PCDHGA9: variants seen among roughly 807,000 people sequenced by gnomAD.
PCDHGA9 encodes protocadherin gamma-A9.
PCDHGA9 carries 37 observed loss-of-function variants against 62.5 expected under a neutral mutation model. The ratio of observed to expected loss-of-function variants is 0.59; its 90% confidence interval spans 0.46 to 0.78. The LOEUF is 0.78. PCDHGA9 is among the 30% of genes least tolerant of loss of function. PCDHGA9 has a pLI of 0.00. For synonymous variants in PCDHGA9, 459 were observed against 484.6 expected, an observed-to-expected ratio of 0.95 and a Z score of 0.69; for missense variants, 1,138 against 1,166.2, an observed-to-expected ratio of 0.98 and a Z score of 0.35.
rs141556649 is a variant in PCDHGA9 at position 141,492,225 on chromosome 5, C to T, written c.2425-2582C>T. ...GTGTGCGCGCGGGGCTCATGCGTGT[C>T]CTCCCTGCTGGCCACCCCCACGGCC... On this transcript the variant is annotated intron_variant, in intron 1 of 3. Transcript: ENST00000573521. Among the ~76,000 whole-genome samples the T allele has an allele frequency of 2.4e-3, 361 of 152,274 alleles. No individual in the cohort carries two copies. In the Middle Eastern group the frequency reaches 0.024, roughly 10 times the overall value.
chr5:141,492,125 C>T (rs1284932830), intron 1 of PCDHGA9, among the ~76,000 whole-genome samples: 1 of 152,222 alleles, frequency 6.6e-6, no homozygotes, highest in Non-Finnish European at 1.5e-5. Context: ...TTCTCCCCAG[C>T]TCCCAGCATC....
intron 1 of PCDHGA9, among the ~76,000 whole-genome samples, chr5:141,448,043 G>A (rs1000669754): frequency 3.3e-5 from 5 of 151,870 alleles, no homozygotes; most frequent in African/African-American, 1.2e-4. Context: ...CCAAGATCAT[G>A]CCATTGCTCT....
chr5:141,442,697 G>C (rs1443734141), intron 1 of PCDHGA9, among the ~76,000 whole-genome samples: 2 of 152,258 alleles, frequency 1.3e-5, no homozygotes, highest in East Asian at 1.9e-4. Flanking sequence ...AGGCAGACAA[G>C]AGTATCAGAC....
In PCDHGA9 at chr5:141,433,028, G is replaced by T. The variant is rs539293579; in HGVS notation, c.2424+27652G>T. 27 of 1,614,116 alleles carry T rather than the reference G, an allele frequency of 1.7e-5. No individual in the cohort carries two copies. The highest frequency in any genetic ancestry group is 6.7e-5 in the Admixed American group (4 of 60,018). On this transcript the variant is annotated intron_variant, in intron 1 of 3. Coordinates refer to ENST00000573521, the MANE Select transcript of PCDHGA9 (RefSeq NM_018921.3). ...TTTCCTGCAGACCTATTCCCACGAG[G>T]TTTCCCTCACCACGGACTCGCGGAA...
intron 2 of PCDHGA9, among the ~76,000 whole-genome samples, chr5:141,503,088 C>T (rs1003234288): frequency 4.0e-5 from 6 of 151,864 alleles, no homozygotes; most frequent in Admixed American, 1.3e-4. Context: ...CTCCTGACCT[C>T]GTGGTCTGCC....
intron 1 of PCDHGA9, chr5:141,415,646 A>G: frequency 6.2e-7 from 1 of 1,600,190 alleles, no homozygotes; most frequent in South Asian, 1.1e-5. Context: ...TTTGTTAAAA[A>G]AAAAAAGATT....
intron 1 of PCDHGA9, among the ~76,000 whole-genome samples, chr5:141,438,705 G>A (rs555160868): frequency 2.0e-4 from 29 of 145,842 alleles, no homozygotes; most frequent in African/African-American, 7.1e-4. Flanking sequence ...CTGTCACCCA[G>A]GCTGGAGTGC....
intron 1 of PCDHGA9, chr5:141,412,074 A>G (rs751287485): frequency 2.0e-5 from 3 of 152,184 alleles, no homozygotes; most frequent in Non-Finnish European, 4.4e-5. Context: ...TGAGGGAACA[A>G]TTGCTACTGG....
Position 141,489,767 on chromosome 5 carries a change from G to T in PCDHGA9, c.2425-5040G>T, listed in dbSNP as rs2099691977. On this transcript the variant is annotated intron_variant, in intron 1 of 3. Transcript: ENST00000573521. This position sits in a 1 kb window ranked among gnomAD's most constrained non-coding sequence, Gnocchi z 4.5. ...AGCTTTTACACTCTAAGCCCCAACA[G>T]CCACTTCTCTCTGAATGTGAAGACC... The T allele has an allele frequency of 6.2e-7, 1 of 1,614,028 alleles. No homozygotes were observed. Among genetic ancestry groups the T allele is most frequent in the African/African-American group, 1.3e-5 (1 of 74,938 alleles).
At chr5:141,447,649 T>C (rs909020761) in intron 1 of PCDHGA9, among the ~76,000 whole-genome samples, 1 of 152,206 alleles carries the variant, frequency 6.6e-6, no homozygotes, top group Non-Finnish European at 1.5e-5. Context: ...TGGTAGAATT[T>C]TCCCCCCCAG....
Position 141,423,884 on chromosome 5 carries a change from T to C in PCDHGA9, c.2424+18508T>C, listed in dbSNP as rs1253750785. On this transcript the variant is annotated intron_variant, in intron 1 of 3. Transcript: ENST00000573521. ...TGAAAGTCATTTTTCAATCTTGGCA[T>C]ATTTTCTTTTGATTTCAAAGGGGCC... The C allele has an allele frequency of 6.2e-6, 8 of 1,282,566 alleles. No individual in the cohort carries two copies. In the African/African-American group the frequency reaches 1.2e-4, roughly 20 times the overall value. 79.4% of individuals were successfully genotyped at this position (1,282,566 alleles called of 1,614,324 possible). A position where few individuals can be genotyped will look rare whatever the true frequency, so the allele number is the denominator to read the frequency against.
At chr5:141,510,831 A>T (rs2154594660) in intron 3 of PCDHGA9, 116 bp from the exon 4 acceptor site, 1 of 1,577,022 alleles carries the variant, frequency 6.3e-7, no homozygotes, top group East Asian at 2.2e-5. Context: ...CCCAGTGCTC[A>T]GCGTGGTCAA....
chr5:141,403,378 T>G lies in PCDHGA9; in HGVS notation c.426T>G (p.Ile142Met). Residue 142 changes from isoleucine to methionine, a missense_variant, in exon 1 of 4, where the codon ATT (isoleucine) becomes ATG (methionine). Transcript: ENST00000573521. The stretch of plus-strand genomic sequence containing the variant: ...AGGCCGAAAGTCTGGAAGTAAAAAT[T>G]AACGAAATCGCGGTTCCTGGAGCAC... ...KFQAESLEVK[I>M]NEIAVPGARY... The G allele has an allele frequency of 3.1e-6, 5 of 1,614,002 alleles. No individual in the cohort carries two copies. The highest frequency in any genetic ancestry group is 4.2e-6 in the Non-Finnish European group (5 of 1,179,886).
chr5:141,407,971 G>A, intron 1 of PCDHGA9: 2 of 717,762 alleles, frequency 2.8e-6, no homozygotes, highest in South Asian at 2.3e-5. Flanking sequence ...AAGCGCTGAC[G>A]CCGGGGATCC....
chr5:141,455,632 TG>T (rs1394377963), intron 1 of PCDHGA9, among the ~76,000 whole-genome samples: 1 of 151,924 alleles, frequency 6.6e-6, no homozygotes, highest in African/African-American at 2.4e-5. Flanking sequence ...TGGAGATATG[TG>T]GGGGGCAGCC....
intron 1 of PCDHGA9, chr5:141,413,804 CCATTCACCACCTGGTCCTCA>C: frequency 1.2e-6 from 2 of 1,613,194 alleles, no homozygotes; most frequent in Non-Finnish European, 1.7e-6. Flanking sequence ...GAGGAAGAGG[CCATTCACCACCTGGTCCTCA>C]CCGCCTCCGA....
In PCDHGA9 at chr5:141,511,335, A is replaced by T; in HGVS notation, c.*162A>T. 7.0e-7 allele frequency: 1 copy of T among 1,438,820 alleles called. No homozygotes were observed. The highest frequency in any genetic ancestry group is 9.2e-7 in the Non-Finnish European group (1 of 1,083,596). The allele number at this position is 1,438,820 out of a possible 1,614,324, so 89.1% of individuals were successfully genotyped here. A position where few individuals can be genotyped will look rare whatever the true frequency, so the allele number is the denominator to read the frequency against. On this transcript the variant is annotated 3_prime_UTR_variant, in exon 4 of 4. Coordinates refer to ENST00000573521, the MANE Select transcript of PCDHGA9 (RefSeq NM_018921.3). ...AAACAGAAACAAGTGCCCAGTCAGC[A>T]CCTACCCCTTCCCCCCCAGGGGGTT...
chr5:141,465,532 C>T (rs1175698109), intron 1 of PCDHGA9, among the ~76,000 whole-genome samples: 1 of 152,138 alleles, frequency 6.6e-6, no homozygotes, highest in Non-Finnish European at 1.5e-5. Flanking sequence ...GGAAGTTTTC[C>T]CAGGCATTTT....
rs530622003 is a variant in PCDHGA9, at chr5:141,437,077, T to G, written c.2424+31701T>G. ...TGATCATTATTTGGTTTGGGCCATA[T>G]AAGAATTGAAACTAACGGCTTAGCT... On this transcript the variant is annotated intron_variant, in intron 1 of 3. Transcript: ENST00000573521. Among the ~76,000 whole-genome samples, 107 of 152,372 alleles carry G rather than the reference T, an allele frequency of 7.0e-4. 1 individual carries two copies. The highest frequency in any genetic ancestry group is 6.4e-3 in the South Asian group (31 of 4,828).
Sources: gnomAD v4.1 joint callset for allele counts (sites outside exome capture counted in the v4.1 genomes callset) on GRCh38, gnomAD v4.1.1 for gene constraint, Gnocchi (gnomAD v3.1) non-coding constraint, MANE v1.5 for transcripts, NCBI Gene and HGNC (gene_info 2026-07-23, HGNC 2026-07-21) for gene names.